The following THSD7A variants were observed in gnomAD, a reference collection of about 807,000 sequenced individuals.
The protein encoded by THSD7A is thrombospondin type-1 domain-containing protein 7A.
Under a neutral mutation model 231.3 loss-of-function variants are expected in THSD7A, and 96 were observed. That is an observed-to-expected ratio of 0.41 (90% confidence interval 0.35 to 0.49). The LOEUF is 0.49. Ranked by LOEUF, THSD7A falls within the 20% of genes least tolerant of loss-of-function variation. The pLI, the probability that THSD7A is intolerant of heterozygous loss-of-function variation, is 0.05. For synonymous variants in THSD7A, 940 were observed against 743.3 expected (o/e 1.26, Z -4.30); for missense variants, 2,290 against 2,070.2 (o/e 1.11, Z -2.06).
intron 16 of THSD7A, among the ~76,000 whole-genome samples, chr7:11,419,040 G>C (rs1032989416): frequency 1.1e-4 from 17 of 152,116 alleles, no homozygotes; most frequent in African/African-American, 3.9e-4. Flanking sequence ...ACATTTCAGT[G>C]CTCAAAAGTT....
rs1784977702 is a variant in THSD7A at position 11,446,546 on chromosome 7, A to G, written c.2801-222T>C. The stretch of plus-strand genomic sequence containing the variant: ...AGTAAAATTTGTATTATTTTTTCAG[A>G]ACACTATTTTTCACATACTTTTTAA... On this transcript the variant is annotated intron_variant, in intron 12 of 27. Coordinates refer to ENST00000423059, the MANE Select transcript of THSD7A (RefSeq NM_015204.3). The surrounding 1 kb of genome is among the most constrained non-coding windows in gnomAD (Gnocchi z 4.0). Among the ~76,000 whole-genome samples, 1 of 152,054 alleles carries G rather than the reference A, an allele frequency of 6.6e-6. No homozygotes were observed. Among genetic ancestry groups the G allele is most frequent in the Admixed American group, 6.6e-5 (1 of 15,256 alleles).
At chr7:11,713,141 C>T (rs1350866811) in intron 1 of THSD7A, among the ~76,000 whole-genome samples, 5 of 151,194 alleles carry the variant, frequency 3.3e-5, no homozygotes, top group African/African-American at 9.7e-5. Flanking sequence ...TTAATTAGCA[C>T]AGTTCTGCAT....
intron 4 of THSD7A, among the ~76,000 whole-genome samples, chr7:11,580,461 A>C (rs191453194): frequency 6.6e-6 from 1 of 152,194 alleles, no homozygotes; most frequent in African/African-American, 2.4e-5. Flanking sequence ...ACACAAAGCT[A>C]TAACTTCAAG....
At chr7:11,629,374 G>C (rs1781576505) in intron 2 of THSD7A, among the ~76,000 whole-genome samples, 1 of 152,170 alleles carries the variant, frequency 6.6e-6, no homozygotes, top group South Asian at 2.1e-4. Flanking sequence ...TGTTTAGTCA[G>C]GTGTGGCCAA....
chr7:11,390,096 G>T (rs573522296), intron 23 of THSD7A, among the ~76,000 whole-genome samples: 1 of 152,222 alleles, frequency 6.6e-6, no homozygotes, highest in East Asian at 1.9e-4. Flanking sequence ...GTGTCTTGGG[G>T]TTGCTCTTCT....
chr7:11,403,956 C>G (rs913085258), intron 22 of THSD7A, among the ~76,000 whole-genome samples: 1 of 152,120 alleles, frequency 6.6e-6, no homozygotes, highest in Admixed American at 6.6e-5. Flanking sequence ...ATACTGCCAG[C>G]TTTCAAAACC....
rs1225124403 is a variant in THSD7A at position 11,498,203 on chromosome 7, T to C, written c.1823-16221A>G. 2.0e-5 allele frequency among the ~76,000 whole-genome samples: 3 copies of C among 152,152 alleles called. 1 individual carries two copies. The highest frequency in any genetic ancestry group is 2.9e-5 in the Non-Finnish European group (2 of 68,026). On this transcript the variant is annotated intron_variant, in intron 6 of 27. Transcript: ENST00000423059. ...CAGACCCCACTTTCATGGCACCTCA[T>C]ATGATAAGACCCACTGGCTTGGAAT...
Position 11,622,437 on chromosome 7 carries a change from T to A in THSD7A, c.1022+13693A>T, listed in dbSNP as rs80257749. ...ATTTTACATTCATGATTTTTTTGTA[T>A]CTTTACAATAATCCTGACACATAGG... On this transcript the variant is annotated intron_variant, in intron 2 of 27. Transcript: ENST00000423059. 9.9e-3 allele frequency among the ~76,000 whole-genome samples: 1,512 copies of A among 152,244 alleles called. 27 individuals carry two copies. Among genetic ancestry groups the A allele is most frequent in the African/African-American group, 0.034 (1,409 of 41,556 alleles).
Position 11,422,664 on chromosome 7 carries a change from A to G in THSD7A, c.3383+2032T>C, listed in dbSNP as rs537547860. Among the ~76,000 whole-genome samples the G allele has an allele frequency of 2.0e-5, 3 of 149,914 alleles. No homozygotes were observed. In the East Asian group the frequency reaches 5.9e-4, roughly 29 times the overall value. Reference sequence around the variant, plus strand: ...GAAGGGAAAGCTGAAAAAACAACCCAGTGGTTTGAGATGGAGTCTCGCTAT... The same window carrying G: ...GAAGGGAAAGCTGAAAAAACAACCCGGTGGTTTGAGATGGAGTCTCGCTAT... On this transcript the variant is annotated intron_variant, in intron 16 of 27. Transcript: ENST00000423059.
chr7:11,585,071 T>C (rs1188430755), intron 4 of THSD7A, among the ~76,000 whole-genome samples: 1 of 152,252 alleles, frequency 6.6e-6, no homozygotes, highest in Non-Finnish European at 1.5e-5. Context: ...TACTCATGTT[T>C]ATCTGACTTC....
rs1206560389 is a variant in THSD7A, at chr7:11,589,541, T to C, written c.1453+919A>G. Among the ~76,000 whole-genome samples, 9 of 152,200 alleles carry C rather than the reference T, an allele frequency of 5.9e-5. No individual in the cohort carries two copies. The South Asian group carries it at 1.7e-3, about 28-fold the overall frequency. On this transcript the variant is annotated intron_variant, in intron 4 of 27. Coordinates refer to ENST00000423059, the MANE Select transcript of THSD7A (RefSeq NM_015204.3). ...ATGGCATGGCATATTGCATTTTAAT[T>C]ACTGGTTTGTCTACATGCTCTCCTG...
At chr7:11,674,089 C>T (rs184258537) in intron 1 of THSD7A, among the ~76,000 whole-genome samples, 366 of 152,042 alleles carry the variant, frequency 2.4e-3, no homozygotes, top group African/African-American at 8.7e-3. Context: ...TGCAGGTTCC[C>T]TGGTGTTCTA....
intron 6 of THSD7A, among the ~76,000 whole-genome samples, chr7:11,513,444 A>G (rs912709269): frequency 6.6e-6 from 1 of 152,244 alleles, no homozygotes; most frequent in Non-Finnish European, 1.5e-5. Context: ...GAGGAACACA[A>G]AATATGATTC....
intron 1 of THSD7A, among the ~76,000 whole-genome samples, chr7:11,685,031 G>C (rs1173254146): frequency 6.6e-6 from 1 of 151,902 alleles, no homozygotes; most frequent in Non-Finnish European, 1.5e-5. Flanking sequence ...CAAACACATA[G>C]ATCATTGGAA....
intron 4 of THSD7A, among the ~76,000 whole-genome samples, chr7:11,585,567 G>C (rs971608423): frequency 6.6e-6 from 1 of 152,078 alleles, no homozygotes; most frequent in Non-Finnish European, 1.5e-5. Flanking sequence ...TCTAAATAAA[G>C]ACCAAAACAC....
chr7:11,489,547 T>A (rs921114526), intron 6 of THSD7A, among the ~76,000 whole-genome samples: 1 of 152,112 alleles, frequency 6.6e-6, no homozygotes, highest in Admixed American at 6.6e-5. Flanking sequence ...AATAGTGCTC[T>A]GAGCTCCCAG....
intron 4 of THSD7A, among the ~76,000 whole-genome samples, chr7:11,544,086 G>A (rs1333821973): frequency 6.6e-6 from 1 of 152,128 alleles, no homozygotes; most frequent in East Asian, 1.9e-4. Flanking sequence ...GTTCATGCCT[G>A]TAATCCCAGC....
chr7:11,515,733 A>T (rs1467902473), intron 6 of THSD7A, among the ~76,000 whole-genome samples: 4 of 152,170 alleles, frequency 2.6e-5, no homozygotes, highest in African/African-American at 9.6e-5. Context: ...AACAAGACCT[A>T]GACTTCACAT....
intron 7 of THSD7A, among the ~76,000 whole-genome samples, chr7:11,477,574 A>G (rs1219070882): frequency 6.6e-6 from 1 of 152,142 alleles, no homozygotes; most frequent in African/African-American, 2.4e-5. Context: ...ATGGTTTCCT[A>G]TTTAATGGTC....
Sources: allele counts gnomAD v4.1 joint callset (sites outside exome capture counted in the v4.1 genomes callset), GRCh38; gene constraint gnomAD v4.1.1; non-coding constraint Gnocchi (gnomAD v3.1); transcripts MANE v1.5; gene names NCBI Gene and HGNC (gene_info 2026-07-23, HGNC 2026-07-21).